The following CAPRIN2 variants were observed in gnomAD, a reference collection of about 807,000 sequenced individuals.
The protein encoded by CAPRIN2 is caprin family member 2.
In CAPRIN2, 66 loss-of-function variants were observed where a neutral mutation model predicts 130.4. That is an observed-to-expected ratio of 0.51 (90% CI 0.42 to 0.62). The LOEUF is 0.62. CAPRIN2 is among the 20% of genes least tolerant of loss of function. CAPRIN2 has a pLI of 0.00. For missense variants in CAPRIN2, 1,185 were observed against 1,246.6 expected (o/e 0.95, Z 0.74); for synonymous variants, 471 against 444.1 (o/e 1.06, Z -0.76).
intron 15 of CAPRIN2, 52 bp from the exon 18 acceptor site, chr12:30,711,681 T>C (rs1294784356): frequency 1.4e-6 from 2 of 1,454,826 alleles, no homozygotes; most frequent in Admixed American, 1.7e-5. Context: ...AGGACTATAA[T>C]TGGTTATTAC....
intron 7 of CAPRIN2, 24 bp downstream of exon 8, chr12:30,730,215 G>T (rs1384636498): frequency 2.5e-6 from 4 of 1,597,232 alleles, no homozygotes; most frequent in Non-Finnish European, 3.4e-6. Flanking sequence ...ATCAACATCA[G>T]CAAATTGTCT....
At chr12:30,745,434 T>C (rs1469143064) in intron 2 of CAPRIN2, among the ~76,000 whole-genome samples, 2 of 152,126 alleles carry the variant, frequency 1.3e-5, no homozygotes, top group Non-Finnish European at 2.9e-5. Flanking sequence ...ATGCTACCAA[T>C]TTAACATAAA....
exon 14 of CAPRIN2, chr12:30,715,105 T>C: frequency 2.5e-6 from 4 of 1,614,088 alleles, no homozygotes; most frequent in Non-Finnish European, 2.5e-6. Context: ...AAGGCTACCA[T>C]TGCTTACTTG....
At position 30,730,250 on chromosome 12, in the gene CAPRIN2, G is replaced by C. The variant is rs148479179; in HGVS notation, c.1093C>G (p.Gln365Glu). 6.8e-6 allele frequency: 11 copies of C among 1,611,022 alleles called. No homozygotes were observed. In the African/African-American group the frequency reaches 1.2e-4, roughly 18 times the overall value. Residue 365 changes from glutamine (Q) to glutamate (E), a missense_variant, in exon 7 of 17, where the codon CAA becomes GAA. Transcript: ENST00000298892. ...TTTCAGTATCTTACCTCTTGTGGTT[G>C]TATCTCTGGCTGGGCAAATTCCATT...
intron 15 of CAPRIN2, among the ~76,000 whole-genome samples, chr12:30,713,423 A>G (rs910147753): frequency 1.3e-5 from 2 of 152,248 alleles, no homozygotes; most frequent in Non-Finnish European, 2.9e-5. Flanking sequence ...TGGGCTCTGG[A>G]GTAAGAAAGT....
chr12:30,723,213 T>C, intron 11 of CAPRIN2, 46 bp downstream of exon 12: 1 of 1,310,360 alleles, frequency 7.6e-7, no homozygotes, highest in Non-Finnish European at 1.1e-6. Context: ...AAGCAAGAGC[T>C]TCTTCCTTGA....
Position 30,716,655 on chromosome 12 carries a change from G to A in CAPRIN2, c.2170C>T (p.Leu724=), listed in dbSNP as rs766843873. 12 of 1,613,926 alleles carry A rather than the reference G, an allele frequency of 7.4e-6. No homozygotes were observed. In the South Asian group the frequency reaches 1.3e-4, roughly 18 times the overall value. ...ATTTCTTGTTCTTTTCGTGGAGGCA[G>A]AGGTGCATTAACGTTAAATACCTTA... is the stretch of plus-strand genomic sequence containing the variant. Residue 724 remains leucine, a synonymous_variant, in exon 13 of 17, where the codon CTG becomes TTG. Transcript: ENST00000298892.
chr12:30,748,372 C>A (rs2071805277), intron 2 of CAPRIN2, among the ~76,000 whole-genome samples: 1 of 152,214 alleles, frequency 6.6e-6, no homozygotes. Flanking sequence ...TGAGGCAACA[C>A]CCTCCTCAAC....
At chr12:30,714,300 G>T (rs960368650) in intron 14 of CAPRIN2, among the ~76,000 whole-genome samples, 17 of 152,160 alleles carry the variant, frequency 1.1e-4, no homozygotes, top group Non-Finnish European at 2.2e-4. Flanking sequence ...TCCCAGTTCA[G>T]CCTCCCAAGT....
chr12:30,753,141 T>C (rs761061364), intron 1 of CAPRIN2, among the ~76,000 whole-genome samples: 1 of 152,234 alleles, frequency 6.6e-6, no homozygotes, highest in African/African-American at 2.4e-5. Context: ...AATGTAACTA[T>C]GAAGAATATT....
At chr12:30,711,150 A>G (rs572019288) in intron 16 of CAPRIN2, among the ~76,000 whole-genome samples, 4 of 152,210 alleles carry the variant, frequency 2.6e-5, no homozygotes, top group African/African-American at 4.8e-5. Context: ...AAAAAGTGTT[A>G]TAACTATTCT....
chr12:30,732,310 C>T (rs2062997746), intron 5 of CAPRIN2, among the ~76,000 whole-genome samples: 1 of 151,864 alleles, frequency 6.6e-6, no homozygotes, highest in South Asian at 2.1e-4. Flanking sequence ...TCATTTTAGT[C>T]TATTATTCCT....
chr12:30,731,552 T>C (rs766385997), intron 5 of CAPRIN2, 42 bp from the exon 7 acceptor site: 28 of 1,515,200 alleles, frequency 1.8e-5, no homozygotes, highest in African/African-American at 1.2e-4. Flanking sequence ...CATGACCTAA[T>C]TGAAAATTAC....
chr12:30,754,820 G>A (rs2075541938), upstream of CAPRIN2: 1 of 151,848 alleles, frequency 6.6e-6, no homozygotes, highest in Non-Finnish European at 1.5e-5. Context: ...GGAGGCAGGA[G>A]CGCTGCGGAG....
exon 1 of CAPRIN2, chr12:30,753,751 C>T: frequency 6.2e-7 from 1 of 1,606,446 alleles, no homozygotes; most frequent in Non-Finnish European, 8.5e-7. Context: ...GCTTGAGATA[C>T]TTGTACTTCC....
chr12:30,709,670 T>C (rs2053678764), exon 17 of CAPRIN2: 1 of 475,752 alleles, frequency 2.1e-6, no homozygotes, highest in Admixed American at 3.6e-5. Context: ...ACAATATACA[T>C]TCACAGCTTG....
intron 2 of CAPRIN2, among the ~76,000 whole-genome samples, chr12:30,743,687 A>G (rs566241990): frequency 6.6e-6 from 1 of 152,282 alleles, no homozygotes; most frequent in Admixed American, 6.5e-5. Flanking sequence ...GATGCTGTAC[A>G]ATTTAAATGA....
At chr12:30,737,232 G>A (rs922308105) in intron 3 of CAPRIN2, among the ~76,000 whole-genome samples, 4 of 151,736 alleles carry the variant, frequency 2.6e-5, no homozygotes, top group Non-Finnish European at 4.4e-5. Context: ...TTGAACTCCT[G>A]AACTCAAGCA....
chr12:30,719,561 T>A (rs2058730361), intron 12 of CAPRIN2: 1 of 186,222 alleles, frequency 5.4e-6, no homozygotes, highest in African/African-American at 2.3e-5. Context: ...AATTTATACA[T>A]CAGAATTGGA....
Sources: allele counts gnomAD v4.1 joint callset (sites outside exome capture counted in the v4.1 genomes callset), GRCh38; gene constraint gnomAD v4.1.1; transcripts MANE v1.5; gene names NCBI Gene and HGNC (gene_info 2026-07-23, HGNC 2026-07-21).